The following SPAG16 variants were observed in gnomAD, a reference collection of about 807,000 sequenced individuals.
The protein encoded by SPAG16 is sperm-associated antigen 16 protein.
Under a neutral mutation model 80.4 loss-of-function variants are expected in SPAG16, and 86 were observed. The observed-to-expected ratio is 1.07, with a 90% CI of 0.90 to 1.28. The LOEUF (loss-of-function observed/expected upper bound fraction) is 1.28. Among genes scored for constraint, SPAG16 ranks in the 50% most tolerant of loss-of-function variants. The probability of loss-of-function intolerance (pLI) is 0.00; values close to 1 mark genes in which losing one functional copy is unlikely to be tolerated. For missense variants in SPAG16, 870 were observed against 765.3 expected (o/e 1.14, Z -1.61); for synonymous variants, 294 against 265.9 (o/e 1.11, Z -1.03).
chr2:214,277,101 T>A (rs879056855), intron 15 of SPAG16, among the ~76,000 whole-genome samples: 1 of 152,176 alleles, frequency 6.6e-6, no homozygotes, highest in Non-Finnish European at 1.5e-5. Flanking sequence ...CTTGTGCATG[T>A]GTCACGTAGT....
chr2:213,401,706 T>C (rs915595855), intron 9 of SPAG16, among the ~76,000 whole-genome samples: 3 of 152,188 alleles, frequency 2.0e-5, no homozygotes, highest in South Asian at 2.1e-4. Flanking sequence ...TGTCCACTTA[T>C]ATTTATTTAA....
chr2:214,107,700 A>T (rs887579991), intron 13 of SPAG16, among the ~76,000 whole-genome samples: 1 of 152,180 alleles, frequency 6.6e-6, no homozygotes, highest in African/African-American at 2.4e-5. Context: ...ATGCCACTGT[A>T]TATATTTTAT....
chr2:213,572,822 C>T (rs1272714346), intron 10 of SPAG16, among the ~76,000 whole-genome samples: 2 of 152,076 alleles, frequency 1.3e-5, no homozygotes, highest in Admixed American at 6.6e-5. Flanking sequence ...CAATGGCGGG[C>T]GCCCCTCCCC....
intron 15 of SPAG16, among the ~76,000 whole-genome samples, chr2:214,387,500 CT>C (rs1468713353): frequency 6.6e-6 from 1 of 152,176 alleles, no homozygotes; most frequent in Admixed American, 6.5e-5. Flanking sequence ...TGGACTTTTA[CT>C]TTCCACCACA....
chr2:214,168,493 G>A (rs1214418728), intron 15 of SPAG16, among the ~76,000 whole-genome samples: 7 of 151,760 alleles, frequency 4.6e-5, no homozygotes, highest in South Asian at 2.1e-4. Flanking sequence ...CACATGACAC[G>A]CACGCACACA....
At chr2:214,225,115 C>T (rs147490980) in intron 15 of SPAG16, among the ~76,000 whole-genome samples, 271 of 152,208 alleles carry the variant, frequency 1.8e-3, no homozygotes, top group African/African-American at 6.2e-3. Context: ...AAAAGTGCTC[C>T]CCGCTGTTCA....
chr2:213,873,005 A>G (rs2105993597), intron 11 of SPAG16, among the ~76,000 whole-genome samples: 1 of 152,094 alleles, frequency 6.6e-6, no homozygotes, highest in African/African-American at 2.4e-5. Context: ...TGACATTTTT[A>G]TCTGTATTAA....
At chr2:214,157,005 A>G (rs2056243220) in intron 15 of SPAG16, among the ~76,000 whole-genome samples, 1 of 152,160 alleles carries the variant, frequency 6.6e-6, no homozygotes, top group African/African-American at 2.4e-5. Context: ...TTATTTTACA[A>G]TCCCATTATT....
At chr2:213,649,939 T>C (rs2125142857) in intron 10 of SPAG16, among the ~76,000 whole-genome samples, 1 of 152,104 alleles carries the variant, frequency 6.6e-6, no homozygotes, top group South Asian at 2.1e-4. Context: ...AGCATCAGGG[T>C]GTATTCTAAA....
At chr2:214,109,267 T>C (rs1183568668) in intron 14 of SPAG16, among the ~76,000 whole-genome samples, 1 of 152,158 alleles carries the variant, frequency 6.6e-6, no homozygotes, top group Non-Finnish European at 1.5e-5. Flanking sequence ...GCCACGTGAA[T>C]TAAGGATGTC....
intron 9 of SPAG16, among the ~76,000 whole-genome samples, chr2:213,415,513 G>C (rs2069201756): frequency 1.3e-5 from 2 of 152,176 alleles, no homozygotes; most frequent in African/African-American, 4.8e-5. Flanking sequence ...TGAGAGATGG[G>C]CACAGGTTGG....
At chr2:214,135,437 C>T (rs2054997301) in intron 14 of SPAG16, among the ~76,000 whole-genome samples, 1 of 152,108 alleles carries the variant, frequency 6.6e-6, no homozygotes, top group South Asian at 2.1e-4. Flanking sequence ...TGTTTTACCC[C>T]AATAACAAAG....
intron 10 of SPAG16, among the ~76,000 whole-genome samples, chr2:213,532,403 A>G (rs919619969): frequency 2.0e-5 from 3 of 152,074 alleles, no homozygotes; most frequent in South Asian, 2.1e-4. Context: ...GGCAATTGAC[A>G]TTATGAAGAC....
chr2:213,490,185 C>CT (rs1261186662), intron 10 of SPAG16, 95 bp downstream of exon 10: 2 of 1,215,628 alleles, frequency 1.6e-6, no homozygotes, highest in African/African-American at 3.1e-5. Flanking sequence ...AAATGGTTTG[C>CT]TTTTAGCCTT....
chr2:213,377,117 A>G (rs991143819), intron 9 of SPAG16, among the ~76,000 whole-genome samples: 1 of 152,166 alleles, frequency 6.6e-6, no homozygotes, highest in African/African-American at 2.4e-5. Flanking sequence ...CCTTACACTG[A>G]GTTGATATTT....
intron 5 of SPAG16, among the ~76,000 whole-genome samples, chr2:213,324,520 T>A (rs190654836): frequency 1.4e-4 from 22 of 152,266 alleles, no homozygotes; most frequent in Admixed American, 7.8e-4. Flanking sequence ...AGTATATTAT[T>A]GTGTTTGGCA....
intron 15 of SPAG16, among the ~76,000 whole-genome samples, chr2:214,168,444 C>T (rs917902731): frequency 3.9e-5 from 6 of 151,976 alleles, no homozygotes; most frequent in African/African-American, 1.2e-4. Context: ...CACAGAGAAG[C>T]AGAAAATTAA....
chr2:214,301,447 A>G (rs1694546919), intron 15 of SPAG16, among the ~76,000 whole-genome samples: 1 of 152,176 alleles, frequency 6.6e-6, no homozygotes, highest in Non-Finnish European at 1.5e-5. Flanking sequence ...TATTTAACAT[A>G]GTACTGGAAG....
At chr2:214,145,459 T>A (rs2125553281) in intron 14 of SPAG16, among the ~76,000 whole-genome samples, 1 of 152,274 alleles carries the variant, frequency 6.6e-6, no homozygotes, top group East Asian at 1.9e-4. Flanking sequence ...GTTTCAGAAG[T>A]TTGGACATTT....
Sources: allele counts gnomAD v4.1 joint callset (sites outside exome capture counted in the v4.1 genomes callset), GRCh38; gene constraint gnomAD v4.1.1; transcripts MANE v1.5; gene names NCBI Gene and HGNC (gene_info 2026-07-23, HGNC 2026-07-21).